The following CSRNP3 variants were observed in gnomAD, a reference collection of about 807,000 sequenced individuals.
CSRNP3 encodes the protein cysteine/serine-rich nuclear protein 3.
A neutral mutation model predicts 48.0 loss-of-function variants in CSRNP3; 12 were observed. That is an observed-to-expected ratio of 0.25 (90% CI 0.16 to 0.41). The LOEUF is 0.41. Ranked by LOEUF, CSRNP3 falls within the 10% of genes least tolerant of loss-of-function variation. The pLI, the probability that CSRNP3 is intolerant of heterozygous loss-of-function variation, is 1.00. For missense variants in CSRNP3, 580 were observed against 724.4 expected (o/e 0.80, Z 2.29); for synonymous variants, 263 against 269.7 (o/e 0.98, Z 0.24).
At chr2:165,647,922 A>G (rs1416613580) in intron 4 of CSRNP3, among the ~76,000 whole-genome samples, 1 of 152,132 alleles carries the variant, frequency 6.6e-6, no homozygotes, top group Non-Finnish European at 1.5e-5. Flanking sequence ...TCAACTTACA[A>G]TGGGTTTCTT....
intron 3 of CSRNP3, among the ~76,000 whole-genome samples, chr2:165,524,038 G>A (rs1684699083): frequency 6.6e-6 from 1 of 152,066 alleles, no homozygotes; most frequent in Non-Finnish European, 1.5e-5. Context: ...GTCTAACAGG[G>A]ACACACACAA....
At chr2:165,507,924 A>T (rs1052219648) in intron 2 of CSRNP3, among the ~76,000 whole-genome samples, 1 of 152,062 alleles carries the variant, frequency 6.6e-6, no homozygotes, top group Admixed American at 6.6e-5. Flanking sequence ...CCTAGCAACC[A>T]TTCAAGAGCT....
chr2:165,469,827 A>G (rs1378576916), intron 1 of CSRNP3, 87 bp downstream of exon 1: 10 of 152,172 alleles, frequency 6.6e-5, no homozygotes, highest in African/African-American at 2.2e-4. Flanking sequence ...AAACAATTTT[A>G]TAGTAGGAAA....
At chr2:165,629,205 C>G (rs1460917612) in intron 4 of CSRNP3, among the ~76,000 whole-genome samples, 4 of 152,198 alleles carry the variant, frequency 2.6e-5, no homozygotes, top group Admixed American at 2.6e-4. Context: ...ACTCACCCTG[C>G]TCAAGGGAAA....
At chr2:165,524,867 T>G (rs1448605132) in intron 3 of CSRNP3, among the ~76,000 whole-genome samples, 2 of 152,230 alleles carry the variant, frequency 1.3e-5, no homozygotes, top group Non-Finnish European at 2.9e-5. Flanking sequence ...GTTTAGTTTT[T>G]GGTGGTTTGA....
chr2:165,515,756 T>C (rs573424674), intron 2 of CSRNP3, among the ~76,000 whole-genome samples: 1 of 151,846 alleles, frequency 6.6e-6, no homozygotes, highest in Non-Finnish European at 1.5e-5. Flanking sequence ...CAACATCTAA[T>C]TTAATTATTT....
intron 4 of CSRNP3, among the ~76,000 whole-genome samples, chr2:165,637,574 TC>T (rs1289158350): frequency 2.0e-5 from 3 of 152,232 alleles, no homozygotes; most frequent in Non-Finnish European, 4.4e-5. Context: ...TTTATGGATC[TC>T]TATGAATAAG....
At chr2:165,482,047 A>G (rs1162184478) in intron 1 of CSRNP3, among the ~76,000 whole-genome samples, 2 of 152,096 alleles carry the variant, frequency 1.3e-5, no homozygotes. Flanking sequence ...TACACATGCA[A>G]CAAACCTGCA....
Position 165,666,942 on chromosome 2 carries a change from GAA to G in CSRNP3, c.408+8924_408+8925del, listed in dbSNP as rs1491096764. Among the ~76,000 whole-genome samples, 137 of 135,778 alleles carry G rather than the reference GAA, an allele frequency of 1.0e-3. 6 individuals carry two copies. The highest frequency in any genetic ancestry group is 2.0e-3 in the East Asian group (9 of 4,412). 89.1% of individuals were successfully genotyped at this position (135,778 alleles called of 152,430 possible). On this transcript the variant is annotated intron_variant, in intron 5 of 6. Coordinates refer to ENST00000651982, the MANE Select transcript of CSRNP3 (RefSeq NM_001172173.2). ...AAGGGAGGAAAGAGAGAAGAAGAAAGAAAGAGAGAGAGGAAGGAAGGAAGGAA... is the reference window on the plus strand; with the variant it reads ...AAGGGAGGAAAGAGAGAAGAAGAAAGAGAGAGAGAGGAAGGAAGGAAGGAA...
intron 1 of CSRNP3, among the ~76,000 whole-genome samples, chr2:165,473,372 CTT>C (rs1420834455): frequency 1.3e-5 from 2 of 151,996 alleles, no homozygotes; most frequent in Non-Finnish European, 2.9e-5. Context: ...CAAATAACCT[CTT>C]ATTGCTGGAA....
chr2:165,541,395 C>T (rs1027458112), intron 3 of CSRNP3, among the ~76,000 whole-genome samples: 4 of 152,024 alleles, frequency 2.6e-5, no homozygotes, highest in Non-Finnish European at 5.9e-5. Flanking sequence ...CTGAGCACTA[C>T]AGAGGTCGTC....
intron 4 of CSRNP3, among the ~76,000 whole-genome samples, chr2:165,622,118 A>G (rs542282680): frequency 3.9e-5 from 6 of 152,246 alleles, no homozygotes; most frequent in African/African-American, 9.6e-5. Flanking sequence ...TGAGATTACC[A>G]TGACATTTGG....
chr2:165,548,620 A>G (rs2105258146), intron 3 of CSRNP3, among the ~76,000 whole-genome samples: 1 of 152,234 alleles, frequency 6.6e-6, no homozygotes, highest in South Asian at 2.1e-4. Context: ...TAAACACTTC[A>G]CTAGGTCATA....
At chr2:165,539,804 G>A (rs534916982) in intron 3 of CSRNP3, among the ~76,000 whole-genome samples, 2 of 151,972 alleles carry the variant, frequency 1.3e-5, no homozygotes, top group African/African-American at 4.8e-5. Context: ...TAAATTTTCA[G>A]AATTAATTTA....
At chr2:165,582,651 T>C (rs1305648129) in intron 3 of CSRNP3, among the ~76,000 whole-genome samples, 2 of 152,210 alleles carry the variant, frequency 1.3e-5, no homozygotes, top group Non-Finnish European at 1.5e-5. Flanking sequence ...AAATAATGTG[T>C]TCCCAGTGAA....
chr2:165,479,745 G>A (rs552663802), intron 1 of CSRNP3, among the ~76,000 whole-genome samples: 1 of 152,136 alleles, frequency 6.6e-6, no homozygotes, highest in South Asian at 2.1e-4. Context: ...AATTAGTCAG[G>A]CATGGTGGTA....
At chr2:165,530,453 A>T (rs1684796351) in intron 3 of CSRNP3, among the ~76,000 whole-genome samples, 1 of 152,196 alleles carries the variant, frequency 6.6e-6, no homozygotes, top group South Asian at 2.1e-4. Flanking sequence ...AACCATCTTT[A>T]TGATTTGTGT....
chr2:165,612,559 G>A (rs765399410), intron 4 of CSRNP3, among the ~76,000 whole-genome samples: 10 of 151,678 alleles, frequency 6.6e-5, no homozygotes, highest in East Asian at 3.9e-4. Flanking sequence ...ATTCATCAAC[G>A]TCTTCCTGTC....
chr2:165,682,200 T>A lies in CSRNP3; in HGVS notation c.*2447T>A, dbSNP rs1687559336. Reference sequence around the variant, plus strand: ...TAAGACGATATGAAGCCTACTTTTTTATTTTTGGCTAGGTCTTTGTTTTCT... The same window carrying A: ...TAAGACGATATGAAGCCTACTTTTTAATTTTTGGCTAGGTCTTTGTTTTCT... On this transcript the variant is annotated 3_prime_UTR_variant, in exon 7 of 7. Coordinates refer to ENST00000651982, the MANE Select transcript of CSRNP3 (RefSeq NM_001172173.2). 7 of 152,122 alleles carry A rather than the reference T, an allele frequency of 4.6e-5. No homozygotes were observed. The highest frequency in any genetic ancestry group is 4.6e-4 in the Admixed American group (7 of 15,230). 9.4% of individuals were successfully genotyped at this position (152,122 alleles called of 1,614,324 possible).
Sources: allele counts gnomAD v4.1 joint callset (sites outside exome capture counted in the v4.1 genomes callset), GRCh38; gene constraint gnomAD v4.1.1; transcripts MANE v1.5; gene names NCBI Gene and HGNC (gene_info 2026-07-23, HGNC 2026-07-21).